Variants in PIK3C2G observed in about 807,000 individuals in gnomAD.
PIK3C2G encodes phosphatidylinositol 3-kinase C2 domain-containing subunit gamma.
PIK3C2G carries 168 observed loss-of-function variants against 181.1 expected under a neutral mutation model. The ratio of observed to expected loss-of-function variants is 0.93; its 90% CI spans 0.82 to 1.05. PIK3C2G has a LOEUF of 1.05. Among genes scored for constraint, PIK3C2G ranks in the 50% least tolerant of loss-of-function variants. PIK3C2G has a pLI of 0.00. For synonymous variants in PIK3C2G, 573 were observed against 592.2 expected (o/e 0.97, Z 0.47); for missense variants, 1,869 against 1,732.8 (o/e 1.08, Z -1.40).
chr12:18,312,188 T>C (rs1192881813), intron 5 of PIK3C2G, among the ~76,000 whole-genome samples: 9 of 152,150 alleles, frequency 5.9e-5, no homozygotes, highest in African/African-American at 1.9e-4. Flanking sequence ...AACAATGCTT[T>C]GCATCCTCCG....
intron 29 of PIK3C2G, among the ~76,000 whole-genome samples, chr12:18,591,808 C>A (rs1041532553): frequency 6.6e-6 from 1 of 151,464 alleles, no homozygotes; most frequent in African/African-American, 2.4e-5. Context: ...TAAAGGGTAG[C>A]AAGATAAGTA....
At chr12:18,604,993 G>A (rs1178948631) in intron 30 of PIK3C2G, among the ~76,000 whole-genome samples, 1 of 151,924 alleles carries the variant, frequency 6.6e-6, no homozygotes, top group Non-Finnish European at 1.5e-5. Context: ...AGAGAAACAA[G>A]AACAAGCCAA....
intron 1 of PIK3C2G, among the ~76,000 whole-genome samples, chr12:18,261,986 A>G (rs2136999148): frequency 6.6e-6 from 1 of 152,206 alleles, no homozygotes. Context: ...ATCTCGTGCC[A>G]CTAGCTTGTA....
intron 29 of PIK3C2G, among the ~76,000 whole-genome samples, chr12:18,583,619 T>C (rs1162290884): frequency 6.6e-6 from 1 of 152,108 alleles, no homozygotes; most frequent in East Asian, 1.9e-4. Flanking sequence ...CACAGAAAAG[T>C]GGACATACTG....
the PIK3C2G span, chr12:18,684,247 A>G: frequency 1.2e-6 from 2 of 1,610,394 alleles, no homozygotes; most frequent in Non-Finnish European, 1.7e-6. Context: ...TGAATAATAA[A>G]TGTGAATGTT....
chr12:18,481,497 C>T (rs1175718270), intron 18 of PIK3C2G, among the ~76,000 whole-genome samples: 1 of 152,146 alleles, frequency 6.6e-6, no homozygotes, highest in African/African-American at 2.4e-5. Flanking sequence ...CAAACAGATA[C>T]CATCTATAGC....
At chr12:18,249,067 A>C (rs1244568916) in intron 1 of PIK3C2G, among the ~76,000 whole-genome samples, 1 of 152,126 alleles carries the variant, frequency 6.6e-6, no homozygotes, top group Non-Finnish European at 1.5e-5. Context: ...CAATATCATC[A>C]ATCTGTTATT....
the PIK3C2G span, chr12:18,701,461 T>C: frequency 6.2e-7 from 1 of 1,612,072 alleles, no homozygotes; most frequent in Non-Finnish European, 8.5e-7. Context: ...TTAGAAAACT[T>C]TCCAATCACT....
rs745819876 is a variant in PIK3C2G at position 18,640,488 on chromosome 12, C to A, written c.4242C>A (p.Pro1414=). Reference sequence around the variant, plus strand: ...TTGAATTTTATCTTTTACCATATCCCAGTGAAGTTCGTAGGAGGAAAACAA... The same window carrying A: ...TTGAATTTTATCTTTTACCATATCCAAGTGAAGTTCGTAGGAGGAAAACAA... ...AHVEFYLLPY[P]SEVRRRKTKS... The change falls in exon 32 of 33, where the codon CCC becomes CCA. Residue 1414 remains proline, a synonymous_variant. Transcript: ENST00000538779. 1 of 1,608,096 alleles carries A rather than the reference C, an allele frequency of 6.2e-7. No homozygotes were observed. Among genetic ancestry groups the A allele is most frequent in the Non-Finnish European group, 8.5e-7 (1 of 1,176,402 alleles).
chr12:18,436,846 G>A (rs979229453), intron 18 of PIK3C2G, among the ~76,000 whole-genome samples: 3 of 152,076 alleles, frequency 2.0e-5, no homozygotes, highest in Middle Eastern at 3.4e-3. Context: ...CATTGATCCC[G>A]TTCATAGTGT....
At chr12:18,726,718 T>C in the PIK3C2G span, among the ~76,000 whole-genome samples, 1 of 152,198 alleles carries the variant, frequency 6.6e-6, no homozygotes, top group Admixed American at 6.5e-5. Flanking sequence ...AGAAAGCTGA[T>C]TTATCAAAAC....
the PIK3C2G span, among the ~76,000 whole-genome samples, chr12:18,675,832 G>C: frequency 6.7e-6 from 1 of 148,866 alleles, no homozygotes; most frequent in Non-Finnish European, 1.5e-5. Context: ...CAAATGAACA[G>C]ATAGGTAAAT....
intron 18 of PIK3C2G, among the ~76,000 whole-genome samples, chr12:18,455,061 T>C (rs567640983): frequency 6.6e-6 from 1 of 152,302 alleles, no homozygotes; most frequent in East Asian, 1.9e-4. Flanking sequence ...ACTCAAGTGA[T>C]TGCTGGCAGC....
the PIK3C2G span, chr12:18,693,376 C>A: frequency 1.2e-6 from 2 of 1,603,898 alleles, no homozygotes; most frequent in Admixed American, 3.3e-5. Context: ...ATTAAGGAAT[C>A]TGTGGAGCTT....
At chr12:18,529,925 G>A (rs2136212267) in intron 24 of PIK3C2G, among the ~76,000 whole-genome samples, 1 of 152,232 alleles carries the variant, frequency 6.6e-6, no homozygotes, top group Admixed American at 6.5e-5. Context: ...AGATAACCAA[G>A]TGCCACAACC....
intron 18 of PIK3C2G, among the ~76,000 whole-genome samples, chr12:18,460,227 GTTAC>G (rs920105917): frequency 2.0e-5 from 3 of 152,104 alleles, no homozygotes; most frequent in Non-Finnish European, 4.4e-5. Flanking sequence ...CTGAGACTCA[GTTAC>G]TTAATATGCA....
chr12:18,338,097 C>T (rs1206875856), intron 8 of PIK3C2G, among the ~76,000 whole-genome samples: 1 of 152,150 alleles, frequency 6.6e-6, no homozygotes, highest in African/African-American at 2.4e-5. Flanking sequence ...ACACTTCTTC[C>T]TCCCTCTCTT....
Position 18,648,319 on chromosome 12 carries a change from G to A in PIK3C2G, c.*291G>A. On this transcript the variant is annotated 3_prime_UTR_variant, in exon 33 of 33. Coordinates refer to ENST00000538779, the MANE Select transcript of PIK3C2G (RefSeq NM_001288772.2). ...TTAATATATTTTAAATTAAACATAG[G>A]TTTACATTTGTTTTAATTGTGTGCC... The A allele has an allele frequency of 4.3e-6, 1 of 232,614 alleles. No homozygotes were observed. Among genetic ancestry groups the A allele is most frequent in the Non-Finnish European group, 8.5e-6 (1 of 118,250 alleles). 14.4% of individuals were successfully genotyped at this position (232,614 alleles called of 1,614,324 possible).
rs570477064 is a variant in PIK3C2G, at chr12:18,302,415, G to T, written c.1034+8400G>T. Among the ~76,000 whole-genome samples, 9 of 152,278 alleles carry T rather than the reference G, an allele frequency of 5.9e-5. No homozygotes were observed. The East Asian group carries it at 9.7e-4, about 16-fold the overall frequency. On this transcript the variant is annotated intron_variant, in intron 5 of 32. Coordinates refer to ENST00000538779, the MANE Select transcript of PIK3C2G (RefSeq NM_001288772.2). ...GTGTGAATGGGTTCCAGCAGTGGTG[G>T]TGGTGCCATGCAATTCAGGCTTGTC...
Sources: allele counts gnomAD v4.1 joint callset (sites outside exome capture counted in the v4.1 genomes callset), GRCh38; gene constraint gnomAD v4.1.1; transcripts MANE v1.5; gene names NCBI Gene and HGNC (gene_info 2026-07-23, HGNC 2026-07-21).